The following XPNPEP1 variants were observed in gnomAD, a reference collection of about 807,000 sequenced individuals.
The protein encoded by XPNPEP1 is xaa-Pro aminopeptidase 1.
XPNPEP1 carries 39 observed loss-of-function variants against 92.4 expected under a neutral mutation model. The ratio of observed to expected loss-of-function variants is 0.42; its 90% CI spans 0.33 to 0.55. XPNPEP1 has a LOEUF of 0.55. Among genes scored for constraint, XPNPEP1 ranks in the 20% least tolerant of loss-of-function variants. The pLI is 0.08. For synonymous variants in XPNPEP1, 307 were observed against 299.4 expected (o/e 1.03, Z -0.26); for missense variants, 654 against 856.1 (o/e 0.76, Z 2.95).
At chr10:109,920,022 C>T (rs1463830319) in intron 1 of XPNPEP1, among the ~76,000 whole-genome samples, 1 of 151,448 alleles carries the variant, frequency 6.6e-6, no homozygotes, top group Admixed American at 6.6e-5. Context: ...CAGAGCAAGA[C>T]TCCGTCTCAT....
intron 6 of XPNPEP1, 102 bp from the exon 7 acceptor site, chr10:109,888,294 C>T (rs969551804): frequency 2.7e-6 from 4 of 1,482,302 alleles, no homozygotes; most frequent in Non-Finnish European, 3.6e-6. Flanking sequence ...GGTGGTCCTG[C>T]CATGGCCCAG....
chr10:109,889,744 C>T (rs748414177), intron 5 of XPNPEP1, among the ~76,000 whole-genome samples: 16 of 152,162 alleles, frequency 1.1e-4, no homozygotes, highest in Non-Finnish European at 2.1e-4. Flanking sequence ...AGTAAAAGTT[C>T]ACATATTCTA....
chr10:109,864,973 G>T lies in XPNPEP1; in HGVS notation c.*211C>A. 2 of 709,920 alleles carry T rather than the reference G, an allele frequency of 2.8e-6. No individual in the cohort carries two copies. The highest frequency in any genetic ancestry group is 4.4e-6 in the Non-Finnish European group (2 of 459,756). The allele number at this position is 709,920 out of a possible 1,614,324, so 44.0% of individuals were successfully genotyped here. A position where few individuals can be genotyped will look rare whatever the true frequency, so the allele number is the denominator to read the frequency against. On this transcript the variant is annotated 3_prime_UTR_variant, in exon 21 of 21. Coordinates refer to ENST00000502935, the MANE Select transcript of XPNPEP1 (RefSeq NM_020383.4). ...CTTCTGGTGCAGCAATTTTATTCTTGGCTTGTTCTCAACAATTAAAAAATC... is the reference window on the plus strand; with the variant it reads ...CTTCTGGTGCAGCAATTTTATTCTTTGCTTGTTCTCAACAATTAAAAAATC...
chr10:109,911,893 G>A (rs1004277383), intron 2 of XPNPEP1, among the ~76,000 whole-genome samples: 1 of 152,194 alleles, frequency 6.6e-6, no homozygotes, highest in Admixed American at 6.5e-5. Flanking sequence ...CTGACTGGGT[G>A]TTTAGTGCTG....
intron 17 of XPNPEP1, 107 bp from the exon 18 acceptor site, chr10:109,871,011 T>G: frequency 7.5e-7 from 1 of 1,326,358 alleles, no homozygotes; most frequent in Non-Finnish European, 1.0e-6. Context: ...GGTAAGTTAC[T>G]GGAGGGTTCA....
chr10:109,889,153 T>C (rs1396945057), intron 5 of XPNPEP1, among the ~76,000 whole-genome samples: 2 of 152,236 alleles, frequency 1.3e-5, no homozygotes, highest in East Asian at 3.8e-4. Context: ...CAAAGAGATC[T>C]TTCCGAAGAT....
chr10:109,882,713 C>A, intron 9 of XPNPEP1, 71 bp from the exon 10 acceptor site: 1 of 1,506,988 alleles, frequency 6.6e-7, no homozygotes, highest in Non-Finnish European at 9.2e-7. Flanking sequence ...CACAGACACA[C>A]ATACACATCA....
chr10:109,878,554 A>C (rs1847905583), intron 12 of XPNPEP1, among the ~76,000 whole-genome samples: 2 of 152,186 alleles, frequency 1.3e-5, no homozygotes. Context: ...TACATGGAAA[A>C]TGTTCACACT....
chr10:109,875,121 G>C (rs961345747), intron 15 of XPNPEP1, among the ~76,000 whole-genome samples: 1 of 152,158 alleles, frequency 6.6e-6, no homozygotes, highest in African/African-American at 2.4e-5. Context: ...TCAGAAATGT[G>C]GGGGCAGCCC....
intron 3 of XPNPEP1, among the ~76,000 whole-genome samples, chr10:109,898,621 C>T (rs1416412244): frequency 3.9e-5 from 6 of 152,178 alleles, no homozygotes; most frequent in African/African-American, 7.2e-5. Flanking sequence ...TGTCATGAGG[C>T]GACACCCAAT....
intron 7 of XPNPEP1, 73 bp from the exon 8 acceptor site, chr10:109,886,414 C>T (rs1049906751): frequency 1.1e-5 from 15 of 1,360,718 alleles, no homozygotes; most frequent in Middle Eastern, 1.8e-4. Context: ...AAAGAACCTA[C>T]CCTAAACATC....
chr10:109,875,827 A>C (rs1847753785), intron 14 of XPNPEP1: 7 of 420,544 alleles, frequency 1.7e-5, no homozygotes, highest in Non-Finnish European at 3.0e-5. Context: ...AGCTCAACAA[A>C]GGAAAAGTAA....
intron 3 of XPNPEP1, chr10:109,894,062 G>A (rs1430334817): frequency 6.6e-6 from 1 of 152,250 alleles, no homozygotes; most frequent in Non-Finnish European, 1.5e-5. Flanking sequence ...CCTGAGTACA[G>A]AGCTGCTGCT....
intron 12 of XPNPEP1, chr10:109,878,279 T>C: frequency 1.9e-6 from 1 of 530,446 alleles, no homozygotes; most frequent in Admixed American, 3.3e-5. Context: ...ACTCAACTAT[T>C]GTGCTTCAGT....
At chr10:109,920,594 T>C (rs1027897931) in intron 1 of XPNPEP1, among the ~76,000 whole-genome samples, 2 of 152,304 alleles carry the variant, frequency 1.3e-5, no homozygotes, top group South Asian at 2.1e-4. Flanking sequence ...TGGAGTGCAG[T>C]GGCACAATCT....
intron 5 of XPNPEP1, among the ~76,000 whole-genome samples, chr10:109,890,593 T>TGTGTGA (rs1445814052): frequency 9.6e-6 from 1 of 104,064 alleles, no homozygotes; most frequent in Non-Finnish European, 1.9e-5. Context: ...TGTGTGTGTG[T>TGTGTGA]GAGAGAGAGA....
rs1589559942 is a variant in XPNPEP1, at chr10:109,878,389, A to T, written c.1183-331T>A. 1.7e-5 allele frequency: 4 copies of T among 232,048 alleles called. No individual in the cohort carries two copies. The East Asian group carries it at 3.9e-4, about 22-fold the overall frequency. The allele number at this position is 232,048 out of a possible 1,614,324, so 14.4% of individuals were successfully genotyped here. The stretch of plus-strand genomic sequence containing the variant: ...CGTAAGAAAATCATTCTAGAGAAAT[A>T]AAAAAGATAAATGCGGAGAGATTAT... On this transcript the variant is annotated intron_variant, in intron 12 of 20. Coordinates refer to ENST00000502935, the MANE Select transcript of XPNPEP1 (RefSeq NM_020383.4).
chr10:109,914,951 G>T, intron 2 of XPNPEP1, 60 bp downstream of exon 2: 1 of 1,085,752 alleles, frequency 9.2e-7, no homozygotes, highest in Non-Finnish European at 1.3e-6. Flanking sequence ...ACCTGGGGTT[G>T]GGGTGGAGAT....
In XPNPEP1 at chr10:109,912,966, A is replaced by G. The variant is rs536671781; in HGVS notation, c.121+2045T>C. 2.0e-5 allele frequency among the ~76,000 whole-genome samples: 3 copies of G among 152,360 alleles called. No individual in the cohort carries two copies. The South Asian group carries it at 6.2e-4, about 32-fold the overall frequency. ...CAGATAGGCTCTTGCAAGGTGCTGT[A>G]TTATGACATCTGCTCATTCCACATC... On this transcript the variant is annotated intron_variant, in intron 2 of 20. Coordinates refer to ENST00000502935, the MANE Select transcript of XPNPEP1 (RefSeq NM_020383.4).
Sources: gnomAD v4.1 joint callset for allele counts (sites outside exome capture counted in the v4.1 genomes callset) on GRCh38, gnomAD v4.1.1 for gene constraint, MANE v1.5 for transcripts, NCBI Gene and HGNC (gene_info 2026-07-23, HGNC 2026-07-21) for gene names.